The following ARFGEF2 variants were observed in gnomAD, a reference collection of about 807,000 sequenced individuals.
The protein encoded by ARFGEF2 is brefeldin A-inhibited guanine nucleotide-exchange protein 2.
A neutral mutation model predicts 219.9 loss-of-function variants in ARFGEF2; 74 were observed. The ratio of observed to expected loss-of-function variants is 0.34; its 90% CI spans 0.28 to 0.41. ARFGEF2 has a LOEUF of 0.41. Ranked by LOEUF, ARFGEF2 falls within the 10% of genes least tolerant of loss-of-function variation. The probability of loss-of-function intolerance (pLI) is 1.00; values close to 1 mark genes in which losing one functional copy is unlikely to be tolerated. For missense variants in ARFGEF2, 1,743 were observed against 2,218.3 expected (o/e 0.79, Z 4.30); for synonymous variants, 733 against 799.2 (o/e 0.92, Z 1.40).
At chr20:48,927,121 G>A (rs2090882454) in intron 1 of ARFGEF2, among the ~76,000 whole-genome samples, 1 of 152,118 alleles carries the variant, frequency 6.6e-6, no homozygotes, top group Non-Finnish European at 1.5e-5. Flanking sequence ...GCTCCTGGGA[G>A]TTGTTTGTTT....
At chr20:48,940,598 T>G (rs1211038813) in intron 1 of ARFGEF2, among the ~76,000 whole-genome samples, 1 of 152,260 alleles carries the variant, frequency 6.6e-6, no homozygotes, top group Non-Finnish European at 1.5e-5. Flanking sequence ...AGAACGTGGC[T>G]GTAGAGCCAG....
intron 8 of ARFGEF2, among the ~76,000 whole-genome samples, chr20:48,966,513 A>G (rs1366224970): frequency 6.6e-6 from 1 of 152,180 alleles, no homozygotes; most frequent in African/African-American, 2.4e-5. Flanking sequence ...TTTTTAAACA[A>G]TTTATATTAT....
intron 25 of ARFGEF2, among the ~76,000 whole-genome samples, chr20:48,999,561 C>T (rs565020372): frequency 6.6e-6 from 1 of 152,128 alleles, no homozygotes; most frequent in Admixed American, 6.5e-5. Flanking sequence ...TCCTGGCTAA[C>T]ATGGTGAAAC....
chr20:48,939,621 A>G (rs1477011288), intron 1 of ARFGEF2, among the ~76,000 whole-genome samples: 1 of 152,232 alleles, frequency 6.6e-6, no homozygotes, highest in Non-Finnish European at 1.5e-5. Context: ...GGCAAGATCC[A>G]TGCCACACAG....
chr20:48,963,808 G>A (rs780551396), intron 6 of ARFGEF2, 22 bp from the exon 7 acceptor site: 3 of 1,611,654 alleles, frequency 1.9e-6, no homozygotes, highest in Non-Finnish European at 8.5e-7. Context: ...CGTGTGTTTT[G>A]TATATTTGGA....
chr20:49,014,255 T>C (rs1344400917), intron 30 of ARFGEF2, among the ~76,000 whole-genome samples: 1 of 151,946 alleles, frequency 6.6e-6, no homozygotes, highest in Non-Finnish European at 1.5e-5. Context: ...GTTGTAGTTG[T>C]TTTGTTCATA....
rs1021584830 is a variant in ARFGEF2, at chr20:49,021,524, C to T, written c.4625-1527C>T. Among the ~76,000 whole-genome samples, 4 of 151,898 alleles carry T rather than the reference C, an allele frequency of 2.6e-5. No homozygotes were observed. The East Asian group carries it at 5.8e-4, about 22-fold the overall frequency. On this transcript the variant is annotated intron_variant, in intron 34 of 38. Coordinates refer to ENST00000371917, the MANE Select transcript of ARFGEF2 (RefSeq NM_006420.3). ...TCTACTCAGTAAGCAGAAACCACAC[C>T]GCTAATTTGAACAGGGAAAATTCAA... is the stretch of plus-strand genomic sequence containing the variant.
intron 34 of ARFGEF2, 21 bp downstream of exon 34, chr20:49,019,019 G>C (rs1462615212): frequency 6.3e-7 from 1 of 1,577,722 alleles, no homozygotes; most frequent in East Asian, 2.2e-5. Context: ...TTTTTAATTT[G>C]TTTTAAATAA....
intron 9 of ARFGEF2, among the ~76,000 whole-genome samples, 154 bp downstream of exon 9, chr20:48,969,431 C>T (rs1046556612): frequency 1.3e-5 from 2 of 152,248 alleles, no homozygotes; most frequent in Non-Finnish European, 2.9e-5. Flanking sequence ...CAGACTCATG[C>T]AGTCTCTAGA....
chr20:48,978,054 C>T (rs868784432), intron 14 of ARFGEF2, among the ~76,000 whole-genome samples: 7 of 152,230 alleles, frequency 4.6e-5, no homozygotes, highest in South Asian at 2.1e-4. Context: ...TCCTTGCCCA[C>T]GCCTAGTTCC....
chr20:49,019,443 A>T (rs1379915532), intron 34 of ARFGEF2, among the ~76,000 whole-genome samples: 1 of 152,214 alleles, frequency 6.6e-6, no homozygotes, highest in African/African-American at 2.4e-5. Context: ...ATTGTCTATT[A>T]TTCCAGTTTG....
At chr20:48,923,693 A>G (rs1483094056) in intron 1 of ARFGEF2, among the ~76,000 whole-genome samples, 1 of 152,198 alleles carries the variant, frequency 6.6e-6, no homozygotes, top group Admixed American at 6.5e-5. Flanking sequence ...TCTTCTCGAT[A>G]TTGTTGTGGA....
chr20:48,996,109 T>G (rs2091384543), intron 23 of ARFGEF2, among the ~76,000 whole-genome samples: 1 of 152,190 alleles, frequency 6.6e-6, no homozygotes, highest in Non-Finnish European at 1.5e-5. Context: ...ATGTTGATGT[T>G]TTAAATTACC....
intron 36 of ARFGEF2, among the ~76,000 whole-genome samples, chr20:49,026,695 C>T (rs1221689035): frequency 6.6e-6 from 1 of 151,180 alleles, no homozygotes; most frequent in Non-Finnish European, 1.5e-5. Flanking sequence ...AAGCAATTCT[C>T]ATGCCTCAGC....
rs58144046 is a variant in ARFGEF2 at position 48,942,473 on chromosome 20, GTTTTTTTTTTTTTTT to G, written c.276+499_276+513del. On this transcript the variant is annotated intron_variant, in intron 3 of 38. Transcript: ENST00000371917. ...TGGCTCAGCCTTTCTTTCTTACTTG[GTTTTTTTTTTTTTTT>G]TTTTTTTTTTTTGGAGATGGAGGTT... is the stretch of plus-strand genomic sequence containing the variant. Among the ~76,000 whole-genome samples the G allele has an allele frequency of 2.6e-3, 191 of 73,528 alleles. 1 individual carries two copies. The highest frequency in any genetic ancestry group is 0.011 in the African/African-American group (178 of 15,808). 48.2% of individuals were successfully genotyped at this position (73,528 alleles called of 152,430 possible).
intron 1 of ARFGEF2, among the ~76,000 whole-genome samples, chr20:48,932,169 A>T (rs1165697272): frequency 6.6e-6 from 1 of 151,968 alleles, no homozygotes; most frequent in Non-Finnish European, 1.5e-5. Flanking sequence ...TTGGACACCC[A>T]CTCCCTTATA....
At chr20:48,926,823 C>G (rs1292818596) in intron 1 of ARFGEF2, among the ~76,000 whole-genome samples, 3 of 152,142 alleles carry the variant, frequency 2.0e-5, no homozygotes, top group African/African-American at 4.8e-5. Flanking sequence ...AGGAAGAGAG[C>G]AACTTGCCCA....
intron 20 of ARFGEF2, among the ~76,000 whole-genome samples, chr20:48,990,815 G>C (rs2123464582): frequency 6.6e-6 from 1 of 152,314 alleles, no homozygotes; most frequent in Middle Eastern, 3.4e-3. Context: ...CAATTAGAAA[G>C]GAGAGAGCTG....
At position 48,953,605 on chromosome 20, in the gene ARFGEF2, C is replaced by G. The variant is rs1343537843; in HGVS notation, c.653C>G (p.Ser218Cys). The change falls in exon 6 of 39, where the codon TCC becomes TGC. Residue 218 changes from serine (S) to cysteine (C), a missense_variant. Around this residue, in one of 5 missense-constraint regions of ARFGEF2, gnomAD observed 394 missense variants for 426.6 expected, o/e 0.92. Coordinates refer to ENST00000371917, the MANE Select transcript of ARFGEF2 (RefSeq NM_006420.3). ...AAACCAATCCAGTCAAAACCCCAGT[C>G]CCCTGTGATCCAAGCTGCAGCAGTA... is the stretch of plus-strand genomic sequence containing the variant. ...LEKPIQSKPQ[S>C]PVIQAAAVSP... is the part of the protein sequence containing the mutation. The G allele has an allele frequency of 1.2e-6, 2 of 1,614,160 alleles. No individual in the cohort carries two copies. The highest frequency in any genetic ancestry group is 1.7e-6 in the Non-Finnish European group (2 of 1,180,032).
Sources: allele counts gnomAD v4.1 joint callset (sites outside exome capture counted in the v4.1 genomes callset), GRCh38; gene constraint gnomAD v4.1.1; regional missense constraint gnomAD v4.1.1; transcripts MANE v1.5; gene names NCBI Gene and HGNC (gene_info 2026-07-23, HGNC 2026-07-21).